Variants in ILRUN observed in about 807,000 individuals in gnomAD.
ILRUN encodes the protein protein ILRUN.
ILRUN carries 3 observed loss-of-function variants against 33.8 expected under a neutral mutation model. The observed-to-expected ratio is 0.09, with a 90% CI of 0.04 to 0.23. The LOEUF (loss-of-function observed/expected upper bound fraction) is 0.23. ILRUN is among the 10% of genes least tolerant of loss of function. The probability of loss-of-function intolerance (pLI) is 1.00; values close to 1 mark genes in which losing one functional copy is unlikely to be tolerated. For synonymous variants in ILRUN, 124 were observed against 138.9 expected (o/e 0.89, Z 0.75); for missense variants, 210 against 375.1 (o/e 0.56, Z 3.64).
intron 1 of ILRUN, among the ~76,000 whole-genome samples, chr6:34,694,227 C>A (rs967374268): frequency 6.6e-6 from 1 of 152,130 alleles, no homozygotes; most frequent in Non-Finnish European, 1.5e-5. Flanking sequence ...ATTCATTACA[C>A]TGCTTTTGTA....
intron 4 of ILRUN, among the ~76,000 whole-genome samples, chr6:34,595,268 T>TTA (rs1761376909): frequency 6.6e-6 from 1 of 152,238 alleles, no homozygotes; most frequent in African/African-American, 2.4e-5. Context: ...CTGCAATATC[T>TTA]TAGAGTCCTT....
intron 2 of ILRUN, among the ~76,000 whole-genome samples, chr6:34,649,427 AAAAG>A (rs1377387343): frequency 1.3e-5 from 2 of 152,242 alleles, no homozygotes; most frequent in Non-Finnish European, 2.9e-5. Context: ...TATCTAGAAG[AAAAG>A]AAAGACTAAT....
intron 4 of ILRUN, among the ~76,000 whole-genome samples, chr6:34,604,965 TCA>T (rs1761594237): frequency 6.6e-6 from 1 of 152,230 alleles, no homozygotes; most frequent in African/African-American, 2.4e-5. Flanking sequence ...GAAAGAGGAC[TCA>T]CATCACCAGG....
chr6:34,614,482 T>A (rs1761835583), intron 3 of ILRUN, among the ~76,000 whole-genome samples: 1 of 142,012 alleles, frequency 7.0e-6, no homozygotes. Context: ...ATTTTTTATA[T>A]ATTATTATAT....
At chr6:34,630,317 G>C (rs1377208240) in intron 3 of ILRUN, among the ~76,000 whole-genome samples, 4 of 152,202 alleles carry the variant, frequency 2.6e-5, no homozygotes, top group Non-Finnish European at 5.9e-5. Context: ...ATGGGTAACT[G>C]AAACCATGGA....
intron 1 of ILRUN, among the ~76,000 whole-genome samples, chr6:34,670,665 A>T (rs1432801829): frequency 2.0e-5 from 3 of 151,694 alleles, no homozygotes; most frequent in Non-Finnish European, 2.9e-5. Context: ...AGCTTGGCCA[A>T]CATGGTGAAA....
chr6:34,641,400 T>C (rs1762473392), intron 3 of ILRUN, among the ~76,000 whole-genome samples: 1 of 152,206 alleles, frequency 6.6e-6, no homozygotes, highest in East Asian at 1.9e-4. Context: ...CAACCAATAA[T>C]AATTTGGATT....
chr6:34,616,587 A>C, intron 3 of ILRUN: 1 of 1,565,610 alleles, frequency 6.4e-7, no homozygotes, highest in Non-Finnish European at 8.7e-7. Flanking sequence ...GAAACCCTTA[A>C]GAAAAAGCGA....
intron 3 of ILRUN, among the ~76,000 whole-genome samples, chr6:34,628,123 C>T (rs917536537): frequency 3.9e-5 from 6 of 152,058 alleles, no homozygotes; most frequent in Non-Finnish European, 4.4e-5. Flanking sequence ...CGGGTTCAAA[C>T]GATTCTCCTG....
At chr6:34,664,571 A>T (rs1325624135) in intron 1 of ILRUN, among the ~76,000 whole-genome samples, 1 of 152,216 alleles carries the variant, frequency 6.6e-6, no homozygotes, top group Non-Finnish European at 1.5e-5. Context: ...AATAACTCCC[A>T]TTCTTGTTGC....
intron 1 of ILRUN, among the ~76,000 whole-genome samples, chr6:34,682,289 GCT>G (rs1352239039): frequency 1.9e-5 from 2 of 105,986 alleles, no homozygotes; most frequent in Admixed American, 1.2e-4. Flanking sequence ...AGACAGTCTC[GCT>G]CTGTCGCCCA....
At position 34,589,762 on chromosome 6, in the gene ILRUN, A is replaced by C. The variant is rs1367205079; in HGVS notation, c.*803T>G. Reference sequence around the variant, plus strand: ...AAGAAAAGCAATTTTAATTGTTACAAGGGTGTGCAGAAGGACACCTCTCAG... The same window carrying C: ...AAGAAAAGCAATTTTAATTGTTACACGGGTGTGCAGAAGGACACCTCTCAG... On this transcript the variant is annotated 3_prime_UTR_variant, in exon 5 of 5. Transcript: ENST00000374023. 5 of 152,214 alleles carry C rather than the reference A, an allele frequency of 3.3e-5. No individual in the cohort carries two copies. The highest frequency in any genetic ancestry group is 2.0e-4 in the Admixed American group (3 of 15,286). 9.4% of individuals were successfully genotyped at this position (152,214 alleles called of 1,614,324 possible).
In ILRUN at chr6:34,590,349, A is replaced by C; in HGVS notation, c.*216T>G. On this transcript the variant is annotated 3_prime_UTR_variant, in exon 5 of 5. Transcript: ENST00000374023. ...GTGGCTGCATGGATTTCTTCTTGGT[A>C]GCCTCAACACCATTCCTGTGATTCA... 2.2e-6 allele frequency: 1 copy of C among 445,016 alleles called. No homozygotes were observed. Among genetic ancestry groups the C allele is most frequent in the South Asian group, 6.0e-5 (1 of 16,748 alleles). 27.6% of individuals were successfully genotyped at this position (445,016 alleles called of 1,614,324 possible). A position where few individuals can be genotyped will look rare whatever the true frequency, so the allele number is the denominator to read the frequency against.
At chr6:34,653,032 C>T (rs749889333) in intron 2 of ILRUN, among the ~76,000 whole-genome samples, 6 of 148,954 alleles carry the variant, frequency 4.0e-5, no homozygotes, top group Non-Finnish European at 7.4e-5. Flanking sequence ...TCTGTAATCC[C>T]AACTACTCAG....
chr6:34,660,954 T>C (rs1052688821), intron 1 of ILRUN, among the ~76,000 whole-genome samples: 2 of 152,206 alleles, frequency 1.3e-5, no homozygotes, highest in Non-Finnish European at 2.9e-5. Flanking sequence ...GTAAAAAGAA[T>C]TTGTGGAAAA....
At chr6:34,677,455 A>G (rs1459488280) in intron 1 of ILRUN, among the ~76,000 whole-genome samples, 2 of 152,192 alleles carry the variant, frequency 1.3e-5, no homozygotes, top group Admixed American at 1.3e-4. Flanking sequence ...ATATGGAAAG[A>G]TAACTATAAT....
intron 3 of ILRUN, among the ~76,000 whole-genome samples, chr6:34,645,609 C>T (rs1417463237): frequency 6.6e-6 from 1 of 152,150 alleles, no homozygotes; most frequent in African/African-American, 2.4e-5. Flanking sequence ...TGGGTTCATG[C>T]AATTCTCCCA....
At chr6:34,591,679 C>T (rs542000923) in intron 4 of ILRUN, among the ~76,000 whole-genome samples, 5 of 151,966 alleles carry the variant, frequency 3.3e-5, no homozygotes, top group African/African-American at 4.8e-5. Context: ...TTAGTAGAGA[C>T]GGGGTTTCAT....
intron 3 of ILRUN, among the ~76,000 whole-genome samples, chr6:34,641,078 CA>C (rs752197549): frequency 1.5e-3 from 115 of 77,126 alleles, no homozygotes; most frequent in South Asian, 2.4e-3. Context: ...GACTCCATCT[CA>C]AAAAAAAAAA....
Sources: gnomAD v4.1 joint callset for allele counts (sites outside exome capture counted in the v4.1 genomes callset) on GRCh38, gnomAD v4.1.1 for gene constraint, MANE v1.5 for transcripts, NCBI Gene and HGNC (gene_info 2026-07-23, HGNC 2026-07-21) for gene names.